The following SEC23IP variants were observed in gnomAD, a reference collection of about 807,000 sequenced individuals.
The protein encoded by SEC23IP is SEC23-interacting protein.
SEC23IP carries 70 observed loss-of-function variants against 113.4 expected under a neutral mutation model. The ratio of observed to expected loss-of-function variants is 0.62; its 90% CI spans 0.51 to 0.75. SEC23IP has a LOEUF of 0.75. Ranked by LOEUF, SEC23IP falls within the 30% of genes least tolerant of loss-of-function variation. SEC23IP has a pLI of 0.00. For missense variants in SEC23IP, 1,160 were observed against 1,204.9 expected, an observed-to-expected ratio of 0.96 and a Z score of 0.55; for synonymous variants, 398 against 421.0, an observed-to-expected ratio of 0.95 and a Z score of 0.67.
rs1429210564 is a variant in SEC23IP at position 119,912,235 on chromosome 10, T to C, written c.1312+71T>C. 9 of 1,513,962 alleles carry C rather than the reference T, an allele frequency of 5.9e-6. No homozygotes were observed. The East Asian group carries it at 1.6e-4, about 28-fold the overall frequency. 93.8% of individuals were successfully genotyped at this position (1,513,962 alleles called of 1,614,324 possible). A position where few individuals can be genotyped will look rare whatever the true frequency, so the allele number is the denominator to read the frequency against. ...ATTTTAGCATCATTCTTTAGAATGA[T>C]GAAGAAATAAACAGTTATTAGAATG... On this transcript the variant is annotated intron_variant, in intron 6 of 18. Coordinates refer to ENST00000369075, the MANE Select transcript of SEC23IP (RefSeq NM_007190.4).
At chr10:119,910,107 C>T (rs1489134362) in intron 5 of SEC23IP, among the ~76,000 whole-genome samples, 1 of 152,098 alleles carries the variant, frequency 6.6e-6, no homozygotes, top group East Asian at 1.9e-4. Context: ...GTGAAAGCAG[C>T]CAGAGACAAT....
In SEC23IP at chr10:119,929,670, A is replaced by G. The variant is rs145338788; in HGVS notation, c.2377A>G (p.Ile793Val). ...GATATTCTTTGCCTTGGGGTCTCCA[A>G]TTGCTATGTTTCTCACTATTCGAGG... is the stretch of plus-strand genomic sequence containing the variant. ...PEIFFALGSP[I>V]AMFLTIRGVD... The change falls in exon 14 of 19, where the codon ATT becomes GTT. Residue 793 changes from isoleucine to valine, a missense_variant. Physicochemically the swap from Ile to Val is conservative, Grantham distance 29 (BLOSUM62 3). Transcript: ENST00000369075. The G allele has an allele frequency of 7.0e-4, 1,124 of 1,607,244 alleles. 6 individuals are homozygous for G. The African/African-American group carries it at 0.013, about 18-fold the overall frequency.
At position 119,940,718 on chromosome 10, in the gene SEC23IP, G is replaced by C. The variant is rs181101271; in HGVS notation, c.*153G>C. 1 of 151,932 alleles carries C rather than the reference G, an allele frequency of 6.6e-6. No individual in the cohort carries two copies. The highest frequency in any genetic ancestry group is 1.5e-5 in the Non-Finnish European group (1 of 68,022). The allele number at this position is 151,932 out of a possible 1,614,324, so 9.4% of individuals were successfully genotyped here. A position where few individuals can be genotyped will look rare whatever the true frequency, so the allele number is the denominator to read the frequency against. On this transcript the variant is annotated 3_prime_UTR_variant, in exon 19 of 19. Coordinates refer to ENST00000369075, the MANE Select transcript of SEC23IP (RefSeq NM_007190.4). ...TAACAATTGCTCAGCCACAATTCTCGGATATAGGGATTCAAAAGACAGGAC... is the reference window on the plus strand; with the variant it reads ...TAACAATTGCTCAGCCACAATTCTCCGATATAGGGATTCAAAAGACAGGAC...
chr10:119,899,545 G>T (rs1306558288), intron 2 of SEC23IP, among the ~76,000 whole-genome samples: 3 of 152,138 alleles, frequency 2.0e-5, no homozygotes, highest in African/African-American at 4.8e-5. Context: ...TGATTAAAAA[G>T]AATTAAGAAC....
intron 15 of SEC23IP, among the ~76,000 whole-genome samples, 172 bp downstream of exon 15, chr10:119,930,603 A>G (rs557605904): frequency 6.6e-6 from 1 of 152,338 alleles, no homozygotes; most frequent in South Asian, 2.1e-4. Flanking sequence ...ATTACAAATG[A>G]ATTATTTCTC....
chr10:119,904,362 C>T lies in SEC23IP; in HGVS notation c.1101+85C>T, dbSNP rs112665132. The T allele has an allele frequency of 5.3e-4, 629 of 1,193,538 alleles. 1 individual carries two copies. In the African/African-American group the frequency reaches 7.4e-3, roughly 14 times the overall value. The allele number at this position is 1,193,538 out of a possible 1,614,324, so 73.9% of individuals were successfully genotyped here. A position where few individuals can be genotyped will look rare whatever the true frequency, so the allele number is the denominator to read the frequency against. The stretch of plus-strand genomic sequence containing the variant: ...GTGAGTAACATCATTCACAGTGGAG[C>T]GGACTTTACTTACAAGACAGCTTGT... On this transcript the variant is annotated intron_variant, in intron 4 of 18. Coordinates refer to ENST00000369075, the MANE Select transcript of SEC23IP (RefSeq NM_007190.4).
intron 4 of SEC23IP, among the ~76,000 whole-genome samples, chr10:119,905,276 G>T (rs1396380780): frequency 6.6e-6 from 1 of 151,974 alleles, no homozygotes. Context: ...GTAATTTTTG[G>T]TACCTTTTTG....
intron 11 of SEC23IP, among the ~76,000 whole-genome samples, chr10:119,919,982 C>G (rs192287305): frequency 6.3e-4 from 96 of 152,122 alleles, no homozygotes; most frequent in Non-Finnish European, 1.1e-3. Flanking sequence ...ACATGATTTA[C>G]AGAAAAGGAA....
intron 11 of SEC23IP, among the ~76,000 whole-genome samples, chr10:119,920,113 C>A (rs954641494): frequency 1.3e-5 from 2 of 151,824 alleles, no homozygotes; most frequent in African/African-American, 4.8e-5. Flanking sequence ...TGCTATGTGG[C>A]CAGGGTGAAG....
intron 7 of SEC23IP, 67 bp downstream of exon 7, chr10:119,914,886 C>T: frequency 1.4e-6 from 2 of 1,440,048 alleles, no homozygotes; most frequent in Non-Finnish European, 1.9e-6. Flanking sequence ...TTGGAGTATT[C>T]ATTTTTAGGA....
intron 7 of SEC23IP, 78 bp downstream of exon 7, chr10:119,914,897 T>C (rs1854998001): frequency 7.4e-7 from 1 of 1,358,674 alleles, no homozygotes; most frequent in Admixed American, 1.7e-5. Flanking sequence ...ATTTTTAGGA[T>C]AGTTCCCAGC....
chr10:119,913,473 G>A (rs1400399926), intron 6 of SEC23IP, among the ~76,000 whole-genome samples: 2 of 151,912 alleles, frequency 1.3e-5, no homozygotes, highest in East Asian at 3.9e-4. Flanking sequence ...GTAAACAAAT[G>A]AGCATATCCG....
chr10:119,917,140 A>G (rs1855077491), intron 8 of SEC23IP, among the ~76,000 whole-genome samples: 2 of 152,278 alleles, frequency 1.3e-5, no homozygotes, highest in South Asian at 4.1e-4. Flanking sequence ...AAGTGCTAGG[A>G]TCACAGGCAT....
chr10:119,926,047 G>A lies in SEC23IP; in HGVS notation c.2133G>A (p.Ala711=), dbSNP rs12771873. ...TTGGTATTTTACAGAAAAAAGCAGC[G>A]TCAGAAAAGAAGGCAGTGGCGGCCA... ...EHKAAKLKKA[A]SEKKAVAATS... Residue 711 remains alanine, a synonymous_variant, in exon 13 of 19, where the codon GCG becomes GCA. Transcript: ENST00000369075. 0.069 allele frequency: 111,540 copies of A among 1,609,484 alleles called. 6,558 individuals are homozygous for A. Among genetic ancestry groups the A allele is most frequent in the South Asian group, 0.25 (22,895 of 90,438 alleles).
At chr10:119,920,221 C>T (rs1469646439) in intron 11 of SEC23IP, among the ~76,000 whole-genome samples, 2 of 152,004 alleles carry the variant, frequency 1.3e-5, no homozygotes, top group Non-Finnish European at 2.9e-5. Flanking sequence ...TAAAAATTAC[C>T]CTTTGCTTCA....
intron 12 of SEC23IP, among the ~76,000 whole-genome samples, chr10:119,923,516 G>C (rs1303675435): frequency 1.3e-5 from 2 of 151,122 alleles, no homozygotes; most frequent in Non-Finnish European, 2.9e-5. Flanking sequence ...TTCTAGTGTT[G>C]GGGATATTGA....
Position 119,898,868 on chromosome 10 carries a change from A to G in SEC23IP, c.605A>G (p.Gln202Arg), listed in dbSNP as rs1393601928. 2 of 1,610,026 alleles carry G rather than the reference A, an allele frequency of 1.2e-6. No homozygotes were observed. Among genetic ancestry groups the G allele is most frequent in the Non-Finnish European group, 8.5e-7 (1 of 1,179,982 alleles). Reference sequence around the variant, plus strand: ...CCTTACATTGCACCACCCCAGCTGCAGCAGTGCCAAACACCAGGCCCTCCT... The same window carrying G: ...CCTTACATTGCACCACCCCAGCTGCGGCAGTGCCAAACACCAGGCCCTCCT... ...ANPYIAPPQLQQCQTPGPPAH... is the reference protein window; with the variant it reads ...ANPYIAPPQLRQCQTPGPPAH... The change falls in exon 2 of 19, where the codon CAG (glutamine) becomes CGG (arginine). Residue 202 changes from glutamine (Q) to arginine (R), a missense_variant. Gln to Arg is a conservative substitution (Grantham distance 43). Transcript: ENST00000369075.
At chr10:119,897,865 T>G (rs1332397462) in intron 1 of SEC23IP, among the ~76,000 whole-genome samples, 2 of 149,384 alleles carry the variant, frequency 1.3e-5, no homozygotes, top group African/African-American at 2.5e-5. Context: ...ATTAGCTGGG[T>G]GTGGTGGTGG....
At chr10:119,917,380 T>A (rs559695975) in intron 8 of SEC23IP, among the ~76,000 whole-genome samples, 108 of 137,880 alleles carry the variant, frequency 7.8e-4, no homozygotes, top group African/African-American at 2.1e-3. Flanking sequence ...TTGATTTAAA[T>A]TTTTTTTTTT....
Sources: allele counts gnomAD v4.1 joint callset (sites outside exome capture counted in the v4.1 genomes callset), GRCh38; gene constraint gnomAD v4.1.1; transcripts MANE v1.5; gene names NCBI Gene and HGNC (gene_info 2026-07-23, HGNC 2026-07-21).